ETFB: variants seen among roughly 807,000 people sequenced by gnomAD.
ETFB encodes beta-ETF.
A neutral mutation model predicts 25.6 loss-of-function variants in ETFB; 20 were observed. That is an observed-to-expected ratio of 0.78 (90% confidence interval 0.55 to 1.14). ETFB has a LOEUF of 1.14. Ranked by LOEUF, ETFB falls within the 50% of genes most tolerant of loss-of-function variation. The pLI is 0.00. For synonymous variants in ETFB, 142 were observed against 146.7 expected (o/e 0.97, Z 0.23); for missense variants, 286 against 342.6 (o/e 0.83, Z 1.30).
chr19:51,345,175 T>C lies in ETFB; in HGVS notation c.*36A>G. The C allele has an allele frequency of 6.2e-7, 1 of 1,606,966 alleles. No individual in the cohort carries two copies. The highest frequency in any genetic ancestry group is 8.5e-7 in the Non-Finnish European group (1 of 1,173,586). On this transcript the variant is annotated 3_prime_UTR_variant, in exon 6 of 6. Coordinates refer to ENST00000309244, the MANE Select transcript of ETFB (RefSeq NM_001985.3). ...GGAAATAAGTTAACAGAGATAGATG[T>C]TGAGAGTCAGTTTTATTGCCATCTC...
In ETFB at chr19:51,350,380, A is replaced by G; in HGVS notation, c.387T>C (p.Asp129=). The change falls in exon 4 of 6, where the codon GAT becomes GAC. Residue 129 remains aspartate, a synonymous_variant. Coordinates refer to ENST00000309244, the MANE Select transcript of ETFB (RefSeq NM_001985.3). ...LVLLGKQAID[D]DCNQTGQMTA... is the part of the protein sequence containing the mutation. ...TCATCTGCCCTGTCTGGTTACAGTCATCATCGATGGCCTGAATGGGGAGAG... is the reference window on the plus strand; with the variant it reads ...TCATCTGCCCTGTCTGGTTACAGTCGTCATCGATGGCCTGAATGGGGAGAG... 1 of 1,539,806 alleles carries G rather than the reference A, an allele frequency of 6.5e-7. No individual in the cohort carries two copies. Among genetic ancestry groups the G allele is most frequent in the East Asian group, 2.2e-5 (1 of 44,508 alleles).
chr19:51,366,155 G>T, intron 1 of ETFB, 115 bp downstream of exon 1: 1 of 1,042,508 alleles, frequency 9.6e-7, no homozygotes, highest in African/African-American at 1.6e-5. Context: ...GACGTTTGGG[G>T]GTTAAAGCGG....
intron 3 of ETFB, among the ~76,000 whole-genome samples, chr19:51,351,964 G>A (rs1028046185): frequency 1.3e-5 from 2 of 152,036 alleles, no homozygotes; most frequent in Non-Finnish European, 2.9e-5. Flanking sequence ...CCATCTGCCT[G>A]TGGCTCTTCT....
At chr19:51,359,870 T>A (rs953445060) in intron 1 of ETFB, among the ~76,000 whole-genome samples, 2 of 151,290 alleles carry the variant, frequency 1.3e-5, no homozygotes, top group African/African-American at 2.4e-5. Flanking sequence ...AAAACAAAAT[T>A]AGCAGGTCAT....
chr19:51,365,771 T>C (rs570289813), intron 1 of ETFB, among the ~76,000 whole-genome samples: 1 of 152,324 alleles, frequency 6.6e-6, no homozygotes, highest in South Asian at 2.1e-4. Context: ...GCTCACCCTG[T>C]GGCTATGGAG....
At chr19:51,349,387 T>A (rs536941806) in intron 4 of ETFB, among the ~76,000 whole-genome samples, 18 of 152,276 alleles carry the variant, frequency 1.2e-4, no homozygotes, top group African/African-American at 4.3e-4. Context: ...ATTTTGTCTG[T>A]TTCTTTTTAC....
intron 1 of ETFB, among the ~76,000 whole-genome samples, chr19:51,362,186 C>T (rs1986249570): frequency 6.8e-6 from 1 of 148,008 alleles, no homozygotes; most frequent in Non-Finnish European, 1.5e-5. Context: ...CACACACACA[C>T]ACACACACAC....
chr19:51,356,586 C>T (rs1986085517), intron 1 of ETFB: 1 of 152,208 alleles, frequency 6.6e-6, no homozygotes, highest in African/African-American at 2.4e-5. Flanking sequence ...CTGGGCCCCA[C>T]TGTGTGCCTG....
At chr19:51,362,600 G>C (rs1160425652) in intron 1 of ETFB, among the ~76,000 whole-genome samples, 1 of 152,066 alleles carries the variant, frequency 6.6e-6, no homozygotes, top group Non-Finnish European at 1.5e-5. Flanking sequence ...ACAAACCACT[G>C]TGTGCCAGGC....
intron 4 of ETFB, chr19:51,348,054 C>T (rs976429554): frequency 6.6e-6 from 1 of 152,258 alleles, no homozygotes; most frequent in Non-Finnish European, 1.5e-5. Context: ...CCAGTAGCCA[C>T]TGGCTGCGTG....
intron 5 of ETFB, 118 bp from the exon 6 acceptor site, chr19:51,345,499 C>T: frequency 9.9e-7 from 1 of 1,014,134 alleles, no homozygotes; most frequent in East Asian, 2.6e-5. Flanking sequence ...CCTCTGGACC[C>T]ACCCACTGGC....
intron 2 of ETFB, 53 bp downstream of exon 2, chr19:51,354,097 C>A: frequency 4.4e-6 from 7 of 1,588,894 alleles, no homozygotes; most frequent in Non-Finnish European, 5.1e-6. Flanking sequence ...CAGGTCCCAG[C>A]CCCTCCTCCG....
At chr19:51,348,584 C>T (rs1191816207) in intron 4 of ETFB, 1 of 152,026 alleles carries the variant, frequency 6.6e-6, no homozygotes, top group Non-Finnish European at 1.5e-5. Flanking sequence ...GTGAGACCCC[C>T]ATCTCTATCT....
intron 1 of ETFB, chr19:51,354,903 C>A: frequency 2.2e-6 from 1 of 453,242 alleles, no homozygotes; most frequent in South Asian, 2.3e-5. Flanking sequence ...ACATGGTGGT[C>A]TCTGTGGGAA....
chr19:51,366,128 TGCCCTCAGG>T, intron 1 of ETFB, 133 bp downstream of exon 1: 1 of 788,152 alleles, frequency 1.3e-6, no homozygotes, highest in African/African-American at 1.7e-5. Flanking sequence ...CTTGGATTTT[TGCCCTCAGG>T]TGACTTTGAC....
At chr19:51,355,036 G>C in intron 1 of ETFB, 1 of 224,082 alleles carries the variant, frequency 4.5e-6, no homozygotes, top group Admixed American at 5.1e-5. Context: ...GAGTTATGCA[G>C]ATAGCTTTAC....
intron 2 of ETFB, 65 bp downstream of exon 2, chr19:51,354,085 T>C: frequency 1.3e-6 from 2 of 1,549,406 alleles, no homozygotes; most frequent in South Asian, 2.3e-5. Context: ...GACCCAGGAG[T>C]CCAGGTCCCA....
chr19:51,345,403 T>C, intron 5 of ETFB, 22 bp from the exon 6 acceptor site: 1 of 1,613,630 alleles, frequency 6.2e-7, no homozygotes, highest in Non-Finnish European at 8.5e-7. Context: ...AAGCCATTGT[T>C]CACAGGGCTG....
chr19:51,345,567 A>T, intron 5 of ETFB, 186 bp from the exon 6 acceptor site: 3 of 647,238 alleles, frequency 4.6e-6, no homozygotes, highest in Non-Finnish European at 8.3e-6. Flanking sequence ...CCTGCTGGCT[A>T]GGAGGCCCTG....
Sources: gnomAD v4.1 joint callset for allele counts (sites outside exome capture counted in the v4.1 genomes callset) on GRCh38, gnomAD v4.1.1 for gene constraint, MANE v1.5 for transcripts, NCBI Gene and HGNC (gene_info 2026-07-23, HGNC 2026-07-21) for gene names.